SNX22: variants seen among roughly 807,000 people sequenced by gnomAD.
SNX22 encodes sorting nexin-22.
Under a neutral mutation model 24.7 loss-of-function variants are expected in SNX22, and 23 were observed. The observed-to-expected ratio is 0.93, with a 90% CI of 0.67 to 1.32. The LOEUF (loss-of-function observed/expected upper bound fraction) is 1.32. SNX22 is among the 40% of genes most tolerant of loss of function. The probability of loss-of-function intolerance (pLI) is 0.00; values close to 1 mark genes in which losing one functional copy is unlikely to be tolerated. For synonymous variants in SNX22, 99 were observed against 104.0 expected (o/e 0.95, Z 0.29); for missense variants, 261 against 249.9 (o/e 1.04, Z -0.30).
rs1363882971 is a variant in SNX22, at chr15:64,153,954, C to T, written c.412C>T (p.Pro138Ser). The T allele has an allele frequency of 3.1e-6, 5 of 1,613,376 alleles. No individual in the cohort carries two copies. The highest frequency in any genetic ancestry group is 4.2e-6 in the Non-Finnish European group (5 of 1,179,834). The change falls in exon 6 of 7, where the codon CCT (proline) becomes TCT (serine). Residue 138 changes from proline (P) to serine (S), a missense_variant. Coordinates refer to ENST00000325881, the MANE Select transcript of SNX22 (RefSeq NM_024798.3). ...TCCCAGCTCCCAGCAGCACCAGCGG[C>T]CTGTCCTGAGCTTCCATGTGGATCC... is the stretch of plus-strand genomic sequence containing the variant. ...GDSSSQQHQR[P>S]VLSFHVDPYV...
chr15:64,153,276 A>G lies in SNX22; in HGVS notation c.296A>G (p.Lys99Arg). Residue 99 changes from lysine (K) to arginine (R), a missense_variant, in exon 4 of 7, where the codon AAG becomes AGG. Coordinates refer to ENST00000325881, the MANE Select transcript of SNX22 (RefSeq NM_024798.3). ...CTGTACCTGAACCAGGAGGTGCCCA[A>G]GGAGTTACTGGAATTCCTGAGACTT... The part of the protein sequence containing the change: ...GILYLNQEVP[K>R]ELLEFLRLRH... The G allele has an allele frequency of 6.2e-7, 1 of 1,614,140 alleles. No homozygotes were observed. The highest frequency in any genetic ancestry group is 2.2e-5 in the East Asian group (1 of 44,884).
intron 6 of SNX22, 67 bp downstream of exon 6, chr15:64,154,069 GACCCTC>G: frequency 6.2e-7 from 1 of 1,613,686 alleles, no homozygotes; most frequent in Non-Finnish European, 8.5e-7. Flanking sequence ...CGGCTCCTGG[GACCCTC>G]AGACAGCATC....
In SNX22 at chr15:64,157,470, G is replaced by A; in HGVS notation, c.*2962G>A. ...AAGGAATGAACAGGAATAAAAGACA[G>A]CTGTGAGTGTGTGTGACGCGTCTGT... On this transcript the variant is annotated 3_prime_UTR_variant, in exon 7 of 7. Transcript: ENST00000325881. The surrounding 1 kb of genome is among the most constrained non-coding windows in gnomAD (Gnocchi z 4.2). 1 of 161,210 alleles carries A rather than the reference G, an allele frequency of 6.2e-6. No individual in the cohort carries two copies. The highest frequency in any genetic ancestry group is 5.8e-5 in the Admixed American group (1 of 17,276). 10.0% of individuals were successfully genotyped at this position (161,210 alleles called of 1,614,324 possible).
chr15:64,156,573 G>C lies in SNX22; in HGVS notation c.*2065G>C. On this transcript the variant is annotated 3_prime_UTR_variant, in exon 7 of 7. Coordinates refer to ENST00000325881, the MANE Select transcript of SNX22 (RefSeq NM_024798.3). This position sits in a 1 kb window ranked among gnomAD's most constrained non-coding sequence, Gnocchi z 6.4. ...AATTTAGAACCTTGGAGGCATGGAG[G>C]TACAGGGTTTATTCTGGACAGGAGC... The C allele has an allele frequency of 1.0e-6, 1 of 972,008 alleles. No homozygotes were observed. Among genetic ancestry groups the C allele is most frequent in the Non-Finnish European group, 1.6e-6 (1 of 606,346 alleles). 60.2% of individuals were successfully genotyped at this position (972,008 alleles called of 1,614,324 possible). A position where few individuals can be genotyped will look rare whatever the true frequency, so the allele number is the denominator to read the frequency against.
chr15:64,153,050 A>T (rs1465511446), intron 3 of SNX22, 195 bp from the exon 4 acceptor site: 5 of 676,022 alleles, frequency 7.4e-6, no homozygotes, highest in Non-Finnish European at 1.2e-5. Context: ...CCAACAGCAA[A>T]GCTATGCCGC....
Position 64,155,824 on chromosome 15 carries a change from A to T in SNX22, c.*1316A>T. ...CCAGGCCCACACATTATATATTAAA[A>T]AAAAAAAAACCCACATTTTTTTTTA... On this transcript the variant is annotated 3_prime_UTR_variant, in exon 7 of 7. Coordinates refer to ENST00000325881, the MANE Select transcript of SNX22 (RefSeq NM_024798.3). 1.3e-6 allele frequency: 1 copy of T among 742,678 alleles called. No individual in the cohort carries two copies. Among genetic ancestry groups the T allele is most frequent in the Non-Finnish European group, 2.1e-6 (1 of 467,112 alleles). The allele number at this position is 742,678 out of a possible 1,614,324, so 46.0% of individuals were successfully genotyped here.
Position 64,152,750 on chromosome 15 carries a change from A to G in SNX22, c.264+8A>G. ...TTGGAGGCTTACATCCAGGTATGCG[A>G]GAGCACAGTTGGTTGCCCCCCGGCC... On this transcript the variant is annotated splice_region_variant and intron_variant, in intron 3 of 6. Transcript: ENST00000325881. 1.2e-6 allele frequency: 2 copies of G among 1,613,280 alleles called. No individual in the cohort carries two copies. Among genetic ancestry groups the G allele is most frequent in the Non-Finnish European group, 1.7e-6 (2 of 1,179,270 alleles).
chr15:64,154,137 G>A (rs772735465), intron 6 of SNX22, 135 bp downstream of exon 6: 4 of 1,598,462 alleles, frequency 2.5e-6, no homozygotes, highest in Admixed American at 1.8e-5. Flanking sequence ...CTGTCCCCTG[G>A]AGCCTGCTTT....
At position 64,156,172 on chromosome 15, in the gene SNX22, G is replaced by A. The variant is rs750380543; in HGVS notation, c.*1664G>A. 4.3e-6 allele frequency: 7 copies of A among 1,613,534 alleles called. No homozygotes were observed. The highest frequency in any genetic ancestry group is 5.9e-6 in the Non-Finnish European group (7 of 1,179,862). On this transcript the variant is annotated 3_prime_UTR_variant, in exon 7 of 7. Transcript: ENST00000325881. The surrounding 1 kb of genome is among the most constrained non-coding windows in gnomAD (Gnocchi z 6.4). Reference sequence around the variant, plus strand: ...TGGAAAAGAAAGGTGGAAGCAGGAGGGCATGGTGGATCAGGAGGTCCACCG... The same window carrying A: ...TGGAAAAGAAAGGTGGAAGCAGGAGAGCATGGTGGATCAGGAGGTCCACCG...
At position 64,157,061 on chromosome 15, in the gene SNX22, TCTG is replaced by T; in HGVS notation, c.*2554_*2556del. ...CATAAAAGCAGCGTCCTTCCTATCT[TCTG>T]GCCTCAGAGCCAAGCCATGCTGACT... On this transcript the variant is annotated 3_prime_UTR_variant, in exon 7 of 7. Coordinates refer to ENST00000325881, the MANE Select transcript of SNX22 (RefSeq NM_024798.3). This position sits in a 1 kb window ranked among gnomAD's most constrained non-coding sequence, Gnocchi z 4.2. 1 of 837,744 alleles carries T rather than the reference TCTG, an allele frequency of 1.2e-6. No homozygotes were observed. Among genetic ancestry groups the T allele is most frequent in the Non-Finnish European group, 1.8e-6 (1 of 546,784 alleles). 51.9% of individuals were successfully genotyped at this position (837,744 alleles called of 1,614,324 possible). A position where few individuals can be genotyped will look rare whatever the true frequency, so the allele number is the denominator to read the frequency against.
Position 64,155,791 on chromosome 15 carries a change from C to T in SNX22, c.*1283C>T, listed in dbSNP as rs1261330127. 1 of 525,620 alleles carries T rather than the reference C, an allele frequency of 1.9e-6. No homozygotes were observed. The highest frequency in any genetic ancestry group is 3.3e-6 in the Non-Finnish European group (1 of 299,312). The allele number at this position is 525,620 out of a possible 1,614,324, so 32.6% of individuals were successfully genotyped here. A position where few individuals can be genotyped will look rare whatever the true frequency, so the allele number is the denominator to read the frequency against. ...GTAGGCCTAGGGGAGGTGCTGCAGG[C>T]TCAAGAACCAGGCCCACACATTATA... On this transcript the variant is annotated 3_prime_UTR_variant, in exon 7 of 7. Coordinates refer to ENST00000325881, the MANE Select transcript of SNX22 (RefSeq NM_024798.3).
At position 64,155,670 on chromosome 15, in the gene SNX22, C is replaced by G; in HGVS notation, c.*1162C>G. 1 of 311,190 alleles carries G rather than the reference C, an allele frequency of 3.2e-6. No homozygotes were observed. 19.3% of individuals were successfully genotyped at this position (311,190 alleles called of 1,614,324 possible). On this transcript the variant is annotated 3_prime_UTR_variant, in exon 7 of 7. Transcript: ENST00000325881. ...GCAGGGGGCAAAAGCTCCTGCCTGA[C>G]TTTTCCTGGGTAGCTCCTGGGTCAA...
rs138858242 is a variant in SNX22 at position 64,156,418 on chromosome 15, T to G, written c.*1910T>G. The G allele has an allele frequency of 1.6e-6, 1 of 620,690 alleles. No homozygotes were observed. The highest frequency in any genetic ancestry group is 2.8e-5 in the East Asian group (1 of 35,744). The allele number at this position is 620,690 out of a possible 1,614,324, so 38.4% of individuals were successfully genotyped here. On this transcript the variant is annotated 3_prime_UTR_variant, in exon 7 of 7. Transcript: ENST00000325881. This position sits in a 1 kb window ranked among gnomAD's most constrained non-coding sequence, Gnocchi z 6.4. ...GAGGGTGACCAGGGCATGTGGCTTC[T>G]CAGGGACATTGCGTTCAGCTGCACT...
chr15:64,155,953 C>T lies in SNX22; in HGVS notation c.*1445C>T. ...CCAGATGCCAGCACCGGGGCCAGTG[C>T]AGCTCAGAGCCCTGTGGCGGACTAC... On this transcript the variant is annotated 3_prime_UTR_variant, in exon 7 of 7. Transcript: ENST00000325881. The T allele has an allele frequency of 1.2e-6, 2 of 1,611,150 alleles. No individual in the cohort carries two copies. Among genetic ancestry groups the T allele is most frequent in the Non-Finnish European group, 8.5e-7 (1 of 1,178,890 alleles).
In SNX22 at chr15:64,156,410, G is replaced by A; in HGVS notation, c.*1902G>A. ...AGGAGGAAGAGGGTGACCAGGGCAT[G>A]TGGCTTCTCAGGGACATTGCGTTCA... On this transcript the variant is annotated 3_prime_UTR_variant, in exon 7 of 7. Coordinates refer to ENST00000325881, the MANE Select transcript of SNX22 (RefSeq NM_024798.3). The surrounding 1 kb of genome is among the most constrained non-coding windows in gnomAD (Gnocchi z 6.4). The A allele has an allele frequency of 1.6e-6, 1 of 624,916 alleles. No individual in the cohort carries two copies. Among genetic ancestry groups the A allele is most frequent in the Non-Finnish European group, 2.8e-6 (1 of 352,034 alleles). 38.7% of individuals were successfully genotyped at this position (624,916 alleles called of 1,614,324 possible).
chr15:64,152,507 G>A (rs1357096734), intron 2 of SNX22, 131 bp from the exon 3 acceptor site: 3 of 1,213,408 alleles, frequency 2.5e-6, no homozygotes, highest in Non-Finnish European at 3.6e-6. Flanking sequence ...GCCCTCGGCC[G>A]GTCCACCACT....
Position 64,157,071 on chromosome 15 carries a change from G to C in SNX22, c.*2563G>C, listed in dbSNP as rs946166952. 1 of 768,634 alleles carries C rather than the reference G, an allele frequency of 1.3e-6. No homozygotes were observed. Among genetic ancestry groups the C allele is most frequent in the Non-Finnish European group, 2.1e-6 (1 of 486,040 alleles). The allele number at this position is 768,634 out of a possible 1,614,324, so 47.6% of individuals were successfully genotyped here. A position where few individuals can be genotyped will look rare whatever the true frequency, so the allele number is the denominator to read the frequency against. On this transcript the variant is annotated 3_prime_UTR_variant, in exon 7 of 7. Coordinates refer to ENST00000325881, the MANE Select transcript of SNX22 (RefSeq NM_024798.3). The surrounding 1 kb of genome is among the most constrained non-coding windows in gnomAD (Gnocchi z 4.2). ...GCGTCCTTCCTATCTTCTGGCCTCAGAGCCAAGCCATGCTGACTGAGGCCA... is the reference window on the plus strand; with the variant it reads ...GCGTCCTTCCTATCTTCTGGCCTCACAGCCAAGCCATGCTGACTGAGGCCA...
At position 64,151,764 on chromosome 15, in the gene SNX22, GC is replaced by G. The variant is rs1567342234; in HGVS notation, c.-10del. On this transcript the variant is annotated 5_prime_UTR_variant, in exon 1 of 7. Transcript: ENST00000325881. ...GAGCCGAGCGCGCGGAGCAGCTGGG[GC>G]CGGGGCGCGGATGCTGGAAGTTCAC... The G allele has an allele frequency of 3.9e-6, 6 of 1,532,234 alleles. No homozygotes were observed. The highest frequency in any genetic ancestry group is 4.4e-6 in the Non-Finnish European group (5 of 1,142,152). 94.9% of individuals were successfully genotyped at this position (1,532,234 alleles called of 1,614,324 possible).
chr15:64,153,479 G>C (rs1221418305), intron 4 of SNX22, 140 bp downstream of exon 4: 1 of 1,452,778 alleles, frequency 6.9e-7, no homozygotes, highest in East Asian at 2.6e-5. Context: ...CCTGGGTGGA[G>C]GGGCTTTTTT....
Sources: gnomAD v4.1 joint callset for allele counts on GRCh38, gnomAD v4.1.1 for gene constraint, Gnocchi (gnomAD v3.1) non-coding constraint, MANE v1.5 for transcripts, NCBI Gene and HGNC (gene_info 2026-07-23, HGNC 2026-07-21) for gene names.